Variants in CLTCL1 observed in about 807,000 individuals in gnomAD.
CLTCL1 encodes the protein clathrin heavy chain like 1, also known as clathrin heavy chain 2.
A neutral mutation model predicts 190.0 loss-of-function variants in CLTCL1; 159 were observed. That is an observed-to-expected ratio of 0.84 (90% CI 0.74 to 0.95). CLTCL1 has a LOEUF of 0.95. CLTCL1 is among the 40% of genes least tolerant of loss of function. The pLI is 0.00. For missense variants in CLTCL1, 1,878 were observed against 2,033.4 expected, an observed-to-expected ratio of 0.92 and a Z score of 1.47; for synonymous variants, 752 against 769.6, an observed-to-expected ratio of 0.98 and a Z score of 0.38.
chr22:19,249,793 C>T, intron 3 of CLTCL1: 1 of 224,218 alleles, frequency 4.5e-6, no homozygotes, highest in East Asian at 1.2e-4. Flanking sequence ...TTTGGTTTCC[C>T]TTCCCTTTAA....
intron 2 of CLTCL1, chr22:19,257,828 G>A (rs2086813059): frequency 7.0e-7 from 1 of 1,429,316 alleles, no homozygotes; most frequent in Admixed American, 1.8e-5. Context: ...GGAGCCTGGA[G>A]ACTGAGAATT....
Position 19,180,257 on chromosome 22 carries a change from CATT to C in CLTCL1, c.4904-22_4904-20del, listed in dbSNP as rs782295767. 3.7e-5 allele frequency: 60 copies of C among 1,613,516 alleles called. No individual in the cohort carries two copies. The highest frequency in any genetic ancestry group is 4.6e-5 in the Non-Finnish European group (54 of 1,179,792). ...TCAAAATCTAAAAAAACCAGAATGA[CATT>C]AATGGTGGAAGGACACACTCAGCCG... On this transcript the variant is annotated intron_variant, in intron 31 of 32. Coordinates refer to ENST00000427926, the MANE Select transcript of CLTCL1 (RefSeq NM_007098.4).
intron 1 of CLTCL1, among the ~76,000 whole-genome samples, chr22:19,277,769 C>T (rs1010478514): frequency 2.6e-5 from 4 of 152,132 alleles, no homozygotes; most frequent in African/African-American, 7.2e-5. Context: ...CAGCAGACAC[C>T]ACCTAGTTAT....
chr22:19,212,769 A>AATAATGCT (rs1569177965), intron 19 of CLTCL1, among the ~76,000 whole-genome samples: 1 of 152,216 alleles, frequency 6.6e-6, no homozygotes, highest in African/African-American at 2.4e-5. Flanking sequence ...ATTTTTAACA[A>AATAATGCT]ATAATGCTGG....
Position 19,291,706 on chromosome 22 carries a change from G to A in CLTCL1, c.-65C>T. 6.9e-6 allele frequency: 9 copies of A among 1,303,322 alleles called. No individual in the cohort carries two copies. Among genetic ancestry groups the A allele is most frequent in the East Asian group, 3.2e-5 (1 of 31,242 alleles). The allele number at this position is 1,303,322 out of a possible 1,614,324, so 80.7% of individuals were successfully genotyped here. A position where few individuals can be genotyped will look rare whatever the true frequency, so the allele number is the denominator to read the frequency against. On this transcript the variant is annotated 5_prime_UTR_variant, in exon 1 of 33. Transcript: ENST00000427926. Reference sequence around the variant, plus strand: ...GGAATGAACGCCGACCCCTCGCGCGGGCTGACCGGTGGCGACGGCGCAGGC... The same window carrying A: ...GGAATGAACGCCGACCCCTCGCGCGAGCTGACCGGTGGCGACGGCGCAGGC...
At chr22:19,255,958 T>G (rs543389637) in intron 2 of CLTCL1, among the ~76,000 whole-genome samples, 147 of 151,902 alleles carry the variant, frequency 9.7e-4, no homozygotes, top group African/African-American at 3.5e-3. Flanking sequence ...CATAGCATTT[T>G]GGAGTAAATT....
Position 19,213,791 on chromosome 22 carries a change from T to C in CLTCL1, c.3065+2320A>G, listed in dbSNP as rs1555948180. On this transcript the variant is annotated intron_variant, in intron 19 of 32. Coordinates refer to ENST00000427926, the MANE Select transcript of CLTCL1 (RefSeq NM_007098.4). ...GGTTGAGGTTTGGGGGAATGTATAA[T>C]ATACACGGTAGCTAGCACAAGGGAA... Among the ~76,000 whole-genome samples, 3 of 152,132 alleles carry C rather than the reference T, an allele frequency of 2.0e-5. No individual in the cohort carries two copies. The East Asian group carries it at 5.8e-4, about 29-fold the overall frequency.
Position 19,221,630 on chromosome 22 carries a change from GC to G in CLTCL1, c.2562-20del. 6.4e-7 allele frequency: 1 copy of G among 1,553,980 alleles called. No individual in the cohort carries two copies. The highest frequency in any genetic ancestry group is 8.7e-7 in the Non-Finnish European group (1 of 1,145,974). The stretch of plus-strand genomic sequence containing the variant: ...CTTGAGCCTTTGAAAGAAGGAAGGT[GC>G]TGTAAAGTCTCAAGGCTACCACTGG... On this transcript the variant is annotated intron_variant, in intron 16 of 32. Coordinates refer to ENST00000427926, the MANE Select transcript of CLTCL1 (RefSeq NM_007098.4).
intron 13 of CLTCL1, 68 bp downstream of exon 13, chr22:19,225,385 T>C: frequency 6.9e-7 from 1 of 1,455,918 alleles, no homozygotes. Flanking sequence ...GGCGGGCAGG[T>C]AGGCAGCAAC....
chr22:19,248,219 C>T (rs1405798583), intron 3 of CLTCL1, among the ~76,000 whole-genome samples: 1 of 152,002 alleles, frequency 6.6e-6, no homozygotes, highest in Non-Finnish European at 1.5e-5. Context: ...ATCGCTTGAA[C>T]CCGGGAGGCG....
rs781855982 is a variant in CLTCL1, at chr22:19,201,361, G to A, written c.3733C>T (p.Arg1245Cys). The A allele has an allele frequency of 4.3e-6, 7 of 1,613,060 alleles. No homozygotes were observed. Among genetic ancestry groups the A allele is most frequent in the Admixed American group, 3.3e-5 (2 of 59,938 alleles). Residue 1245 changes from arginine to cysteine, a missense_variant, in exon 23 of 33, where the codon CGC (arginine) becomes TGC (cysteine). Transcript: ENST00000427926. ...CACGTCCGGGTGCTGCTGGCCTTGC[G>A]GCTGTTGTCCACTGCTGCCTGATAC... ...GEYQAAVDNS[R>C]KASSTRTWKE...
At chr22:19,189,037 G>C (rs929969836) in intron 27 of CLTCL1, among the ~76,000 whole-genome samples, 2 of 151,958 alleles carry the variant, frequency 1.3e-5, no homozygotes, top group Non-Finnish European at 2.9e-5. Context: ...CTGAGTATCT[G>C]GGATTACAGG....
In CLTCL1 at chr22:19,209,120, G is replaced by A. The variant is rs2085141811; in HGVS notation, c.3250-6C>T. On this transcript the variant is annotated splice_region_variant and splice_polypyrimidine_tract_variant and intron_variant, in intron 20 of 32. Transcript: ENST00000427926. ...CCAATGTGCTCGATCAGGACCTAGGGGTTATGAGAGGACTTCCATTCTCTG... is the reference window on the plus strand; with the variant it reads ...CCAATGTGCTCGATCAGGACCTAGGAGTTATGAGAGGACTTCCATTCTCTG... 2 of 1,579,752 alleles carry A rather than the reference G, an allele frequency of 1.3e-6. No homozygotes were observed. Among genetic ancestry groups the A allele is most frequent in the Non-Finnish European group, 1.7e-6 (2 of 1,160,228 alleles).
At chr22:19,216,582 C>A (rs2085391797) in intron 18 of CLTCL1, among the ~76,000 whole-genome samples, 1 of 152,226 alleles carries the variant, frequency 6.6e-6, no homozygotes, top group African/African-American at 2.4e-5. Flanking sequence ...TATGGCTCCA[C>A]TTCTCTAATG....
In CLTCL1 at chr22:19,254,036, G is replaced by A; in HGVS notation, c.442C>T (p.Leu148=). The change falls in exon 3 of 33, where the codon CTG becomes TTG. Residue 148 remains leucine (L), a synonymous_variant. Coordinates refer to ENST00000427926, the MANE Select transcript of CLTCL1 (RefSeq NM_007098.4). The part of the protein sequence containing the change: ...PMKMFDRHTS[L]VGCQVIHYRT... ...TAGTGAATCACCTGGCAGCCCACCA[G>A]ACTGGTATGTCTATCAAACATCTTC... 2 of 1,612,414 alleles carry A rather than the reference G, an allele frequency of 1.2e-6. No homozygotes were observed. The highest frequency in any genetic ancestry group is 1.3e-5 in the African/African-American group (1 of 75,010).
At chr22:19,269,368 C>T (rs1264576735) in intron 2 of CLTCL1, among the ~76,000 whole-genome samples, 1 of 152,098 alleles carries the variant, frequency 6.6e-6, no homozygotes, top group Non-Finnish European at 1.5e-5. Flanking sequence ...CCATTGCACT[C>T]CAGCCTGGAT....
At chr22:19,278,616 A>G (rs1287319214) in intron 1 of CLTCL1, among the ~76,000 whole-genome samples, 1 of 152,182 alleles carries the variant, frequency 6.6e-6, no homozygotes, top group East Asian at 1.9e-4. Context: ...CAGTCTCACC[A>G]CCTTTTTCAC....
intron 2 of CLTCL1, chr22:19,258,323 G>C (rs1209308275): frequency 2.4e-6 from 1 of 410,934 alleles, no homozygotes; most frequent in Non-Finnish European, 4.6e-6. Context: ...AGCTGGACAG[G>C]TACTGATCCC....
chr22:19,279,138 G>GTATT (rs1163482536), intron 1 of CLTCL1, among the ~76,000 whole-genome samples: 4 of 151,940 alleles, frequency 2.6e-5, no homozygotes, highest in Admixed American at 1.3e-4. Context: ...ATGTATTTAT[G>GTATT]TATTTATTTA....
Sources: allele counts gnomAD v4.1 joint callset (sites outside exome capture counted in the v4.1 genomes callset), GRCh38; gene constraint gnomAD v4.1.1; transcripts MANE v1.5; gene names NCBI Gene and HGNC (gene_info 2026-07-23, HGNC 2026-07-21).